PAPOLA: variants seen among roughly 807,000 people sequenced by gnomAD.
The protein encoded by PAPOLA is polynucleotide adenylyltransferase alpha.
A neutral mutation model predicts 100.6 loss-of-function variants in PAPOLA; 15 were observed. That is an observed-to-expected ratio of 0.15 (90% confidence interval 0.10 to 0.23). The LOEUF is 0.23. Among genes scored for constraint, PAPOLA ranks in the 10% least tolerant of loss-of-function variants. The pLI is 1.00. For missense variants in PAPOLA, 533 were observed against 884.2 expected (o/e 0.60, Z 5.04); for synonymous variants, 293 against 300.0 (o/e 0.98, Z 0.24).
intron 15 of PAPOLA, among the ~76,000 whole-genome samples, 171 bp downstream of exon 15, chr14:96,544,429 C>T (rs965949393): frequency 2.0e-5 from 3 of 151,978 alleles, no homozygotes; most frequent in African/African-American, 7.2e-5. Context: ...ATTCCTTATC[C>T]ACAATGCTTG....
rs1314580758 is a variant in PAPOLA at position 96,566,748 on chromosome 14, A to G, written c.*1698A>G. The G allele has an allele frequency of 2.6e-5, 4 of 152,540 alleles. No individual in the cohort carries two copies. Among genetic ancestry groups the G allele is most frequent in the African/African-American group, 7.2e-5 (3 of 41,410 alleles). The allele number at this position is 152,540 out of a possible 1,614,324, so 9.4% of individuals were successfully genotyped here. ...AAAGATGGTCATACTAACAGGTGAA[A>G]TGTACAAGGTGTCTGTGTGTTTTGT... On this transcript the variant is annotated 3_prime_UTR_variant, in exon 22 of 22. Transcript: ENST00000216277.
Position 96,565,265 on chromosome 14 carries a change from C to G in PAPOLA, c.*215C>G, listed in dbSNP as rs1902181873. On this transcript the variant is annotated 3_prime_UTR_variant, in exon 22 of 22. Coordinates refer to ENST00000216277, the MANE Select transcript of PAPOLA (RefSeq NM_032632.5). Reference sequence around the variant, plus strand: ...ATTATTATTGTGTTAGCAACAGTTGCATTAACTATTTCAAAAATTACTGCC... The same window carrying G: ...ATTATTATTGTGTTAGCAACAGTTGGATTAACTATTTCAAAAATTACTGCC... The G allele has an allele frequency of 9.5e-6, 4 of 422,004 alleles. No individual in the cohort carries two copies. The South Asian group carries it at 2.6e-4, about 28-fold the overall frequency. The allele number at this position is 422,004 out of a possible 1,614,324, so 26.1% of individuals were successfully genotyped here.
chr14:96,503,926 C>G (rs1237775871), intron 1 of PAPOLA, among the ~76,000 whole-genome samples: 3 of 152,154 alleles, frequency 2.0e-5, no homozygotes, highest in Non-Finnish European at 2.9e-5. Context: ...CCACCCACCC[C>G]CTTAGGTTAT....
At chr14:96,516,093 C>G (rs1354454543) in intron 1 of PAPOLA, among the ~76,000 whole-genome samples, 1 of 152,148 alleles carries the variant, frequency 6.6e-6, no homozygotes, top group African/African-American at 2.4e-5. Context: ...TTTTATCACT[C>G]TACTTAATTT....
intron 1 of PAPOLA, among the ~76,000 whole-genome samples, chr14:96,511,118 C>CT (rs1230826051): frequency 6.6e-6 from 1 of 152,192 alleles, no homozygotes; most frequent in Non-Finnish European, 1.5e-5. Flanking sequence ...AGTTTTAACT[C>CT]TATCATGCAA....
At chr14:96,543,532 G>A (rs1900159795) in intron 14 of PAPOLA, among the ~76,000 whole-genome samples, 1 of 151,892 alleles carries the variant, frequency 6.6e-6, no homozygotes, top group African/African-American at 2.4e-5. Flanking sequence ...TTAAATTTGT[G>A]TTATACAGTA....
At chr14:96,540,871 G>A (rs1899926009) in intron 12 of PAPOLA, among the ~76,000 whole-genome samples, 1 of 152,140 alleles carries the variant, frequency 6.6e-6, no homozygotes. Context: ...ACATAGCTGT[G>A]AAGAATTAAA....
intron 15 of PAPOLA, 34 bp from the exon 16 acceptor site, chr14:96,547,763 T>A: frequency 6.5e-7 from 1 of 1,544,270 alleles, no homozygotes; most frequent in Non-Finnish European, 8.8e-7. Flanking sequence ...ATTAAAATGT[T>A]TCTATTTCTT....
intron 2 of PAPOLA, 148 bp from the exon 3 acceptor site, chr14:96,520,858 G>C (rs1483757309): frequency 5.3e-6 from 3 of 569,364 alleles, no homozygotes; most frequent in Middle Eastern, 2.9e-4. Context: ...AAGCGAGAGA[G>C]AGAGCGAGCG....
chr14:96,547,779 A>C lies in PAPOLA; in HGVS notation c.1400-18A>C. ...TTAAAATGTTTCTATTTCTTGTAAC[A>C]ATTTCCTAATTGTATAGTTTATAGG... On this transcript the variant is annotated intron_variant, in intron 15 of 21. Coordinates refer to ENST00000216277, the MANE Select transcript of PAPOLA (RefSeq NM_032632.5). 1 of 1,573,092 alleles carries C rather than the reference A, an allele frequency of 6.4e-7. No homozygotes were observed. Among genetic ancestry groups the C allele is most frequent in the Non-Finnish European group, 8.6e-7 (1 of 1,160,966 alleles).
chr14:96,544,174 A>G lies in PAPOLA; in HGVS notation c.1315A>G (p.Ile439Val). The G allele has an allele frequency of 6.2e-7, 1 of 1,605,694 alleles. No individual in the cohort carries two copies. The highest frequency in any genetic ancestry group is 8.5e-7 in the Non-Finnish European group (1 of 1,172,630). ...GGAAGAATTTCGCACGATGTGGGTG[A>G]TTGGGTTAGTGTTTAAAAAAACAGA... ...DKEEFRTMWV[I>V]GLVFKKTENS... Residue 439 changes from isoleucine to valine, a missense_variant, in exon 15 of 22, where the codon ATT (isoleucine) becomes GTT (valine). Around this residue, in one of 9 missense-constraint regions of PAPOLA, gnomAD observed 19 missense variants for 18.7 expected, o/e 1.01. Transcript: ENST00000216277.
intron 1 of PAPOLA, among the ~76,000 whole-genome samples, chr14:96,518,320 G>A (rs1897640728): frequency 6.6e-6 from 1 of 152,030 alleles, no homozygotes; most frequent in African/African-American, 2.4e-5. Flanking sequence ...CTAGCCGTTG[G>A]AGTATAGACC....
chr14:96,554,913 CTT>C (rs991985521), intron 17 of PAPOLA, among the ~76,000 whole-genome samples: 6 of 152,002 alleles, frequency 3.9e-5, no homozygotes, highest in East Asian at 1.9e-4. Context: ...AGGTGTGTCT[CTT>C]TAATATTTAT....
intron 1 of PAPOLA, among the ~76,000 whole-genome samples, chr14:96,512,691 G>C (rs1566833513): frequency 6.6e-6 from 1 of 152,136 alleles, no homozygotes; most frequent in East Asian, 1.9e-4. Flanking sequence ...CTATCTCATT[G>C]CTTTATTTTG....
rs775168939 is a variant in PAPOLA at position 96,562,809 on chromosome 14, T to G, written c.2068-10T>G. 1.3e-6 allele frequency: 2 copies of G among 1,576,016 alleles called. 1 individual carries two copies. Among genetic ancestry groups the G allele is most frequent in the South Asian group, 2.3e-5 (2 of 88,820 alleles). On this transcript the variant is annotated splice_polypyrimidine_tract_variant and intron_variant, in intron 20 of 21. Transcript: ENST00000216277. ...TCTTTTCCCCCTTCCCCATCCTCTT[T>G]GTCTCACAGGAACAACTTGATACAG...
chr14:96,515,283 C>T (rs912478136), intron 1 of PAPOLA, among the ~76,000 whole-genome samples: 1 of 151,916 alleles, frequency 6.6e-6, no homozygotes, highest in African/African-American at 2.4e-5. Context: ...TATACATTAC[C>T]TTGAACCTGT....
At chr14:96,554,042 A>T (rs959237424) in intron 17 of PAPOLA, among the ~76,000 whole-genome samples, 5 of 152,214 alleles carry the variant, frequency 3.3e-5, no homozygotes, top group Non-Finnish European at 1.5e-5. Flanking sequence ...CTAACATTTT[A>T]ATAAGAATTT....
In PAPOLA at chr14:96,502,542, C is replaced by G; in HGVS notation, c.-51C>G. The G allele has an allele frequency of 2.8e-6, 4 of 1,447,386 alleles. No homozygotes were observed. Among genetic ancestry groups the G allele is most frequent in the South Asian group, 1.3e-5 (1 of 79,176 alleles). 89.7% of individuals were successfully genotyped at this position (1,447,386 alleles called of 1,614,324 possible). A position where few individuals can be genotyped will look rare whatever the true frequency, so the allele number is the denominator to read the frequency against. ...CAGTGGATCATGCCCAGGGCGGCAG[C>G]GGCGGCGGTTGCGGGGGGGAAGTGA... On this transcript the variant is annotated 5_prime_UTR_variant, in exon 1 of 22. Coordinates refer to ENST00000216277, the MANE Select transcript of PAPOLA (RefSeq NM_032632.5).
At chr14:96,547,755 T>TA in intron 15 of PAPOLA, 42 bp from the exon 16 acceptor site, 1 of 1,513,112 alleles carries the variant, frequency 6.6e-7, no homozygotes, top group Non-Finnish European at 9.0e-7. Flanking sequence ...CTGCCTTTAT[T>TA]AAAATGTTTC....
Sources: gnomAD v4.1 joint callset for allele counts (sites outside exome capture counted in the v4.1 genomes callset) on GRCh38, gnomAD v4.1.1 for gene constraint, gnomAD v4.1.1 regional missense constraint, MANE v1.5 for transcripts, NCBI Gene and HGNC (gene_info 2026-07-23, HGNC 2026-07-21) for gene names.